The following KIAA0513 variants were observed in gnomAD, a reference collection of about 807,000 sequenced individuals.
KIAA0513 encodes the protein uncharacterized protein KIAA0513.
A neutral mutation model predicts 56.5 loss-of-function variants in KIAA0513; 39 were observed. The observed-to-expected ratio is 0.69, with a 90% CI of 0.53 to 0.90. KIAA0513 has a LOEUF of 0.90. KIAA0513 is among the 40% of genes least tolerant of loss of function. The probability of loss-of-function intolerance (pLI) is 0.00; values close to 1 mark genes in which losing one functional copy is unlikely to be tolerated. For missense variants in KIAA0513, 591 were observed against 535.2 expected (o/e 1.10, Z -1.03); for synonymous variants, 268 against 215.6 (o/e 1.24, Z -2.13).
At chr16:85,031,698 T>G (rs2072966964) in intron 1 of KIAA0513, among the ~76,000 whole-genome samples, 1 of 152,286 alleles carries the variant, frequency 6.6e-6, no homozygotes, top group African/African-American at 2.4e-5. Context: ...CCTGGGCTGT[T>G]CCTCCCCTTT....
At chr16:85,072,084 G>C (rs1385340441) in intron 3 of KIAA0513, among the ~76,000 whole-genome samples, 1 of 152,162 alleles carries the variant, frequency 6.6e-6, no homozygotes, top group Non-Finnish European at 1.5e-5. Context: ...TGGGCACAGT[G>C]GCTCATGCCT....
chr16:85,032,872 C>T (rs963955100), intron 1 of KIAA0513, among the ~76,000 whole-genome samples: 8 of 152,182 alleles, frequency 5.3e-5, no homozygotes, highest in Non-Finnish European at 7.4e-5. Context: ...CCTCATGATC[C>T]GCCTACCTGG....
At chr16:85,085,943 G>A (rs927458452) in intron 10 of KIAA0513, among the ~76,000 whole-genome samples, 9 of 152,180 alleles carry the variant, frequency 5.9e-5, no homozygotes, top group African/African-American at 1.7e-4. Flanking sequence ...ACAGGGTCAC[G>A]GTCAAAGAGA....
rs1034075921 is a variant in KIAA0513 at position 85,081,070 on chromosome 16, T to C, written c.903-245T>C. 1.3e-5 allele frequency among the ~76,000 whole-genome samples: 2 copies of C among 152,202 alleles called. No individual in the cohort carries two copies. Among genetic ancestry groups the C allele is most frequent in the Admixed American group, 6.5e-5 (1 of 15,286 alleles). ...GCCTGCAGCGCAGCCCGGGTTATCA[T>C]AGCTTTCCCTCCCACTTGCGCCATC... is the stretch of plus-strand genomic sequence containing the variant. On this transcript the variant is annotated intron_variant, in intron 8 of 12. Coordinates refer to ENST00000683363, the MANE Select transcript of KIAA0513 (RefSeq NM_001388359.1). The surrounding 1 kb of genome is among the most constrained non-coding windows in gnomAD (Gnocchi z 4.4).
In KIAA0513 at chr16:85,086,145, G is replaced by A. The variant is rs555563704; in HGVS notation, c.1011-499G>A. 1.4e-4 allele frequency among the ~76,000 whole-genome samples: 21 copies of A among 152,344 alleles called. 1 individual carries two copies. In the South Asian group the frequency reaches 4.3e-3, roughly 32 times the overall value. On this transcript the variant is annotated intron_variant, in intron 10 of 12. Transcript: ENST00000683363. Reference sequence around the variant, plus strand: ...TGCCATCCGCAGCTGGCCCCAGGACGACGCACCTCGCTTGGCCCATCAGGC... The same window carrying A: ...TGCCATCCGCAGCTGGCCCCAGGACAACGCACCTCGCTTGGCCCATCAGGC...
At chr16:85,061,730 A>G (rs2073407777) in intron 1 of KIAA0513, among the ~76,000 whole-genome samples, 2 of 152,182 alleles carry the variant, frequency 1.3e-5, no homozygotes, top group South Asian at 4.1e-4. Context: ...GCACAGCTCC[A>G]TGGGGAAGTG....
At chr16:85,064,504 ATC>A (rs2073451080) in intron 1 of KIAA0513, among the ~76,000 whole-genome samples, 1 of 152,206 alleles carries the variant, frequency 6.6e-6, no homozygotes, top group South Asian at 2.1e-4. Context: ...TTGAAGTATT[ATC>A]TCTCCCTATT....
intron 1 of KIAA0513, among the ~76,000 whole-genome samples, chr16:85,043,936 G>C (rs2073137384): frequency 6.6e-6 from 1 of 152,182 alleles, no homozygotes; most frequent in South Asian, 2.1e-4. Flanking sequence ...GGAAGCTAAG[G>C]CAGGAGAATC....
At chr16:85,037,961 AC>A (rs1416702969) in intron 1 of KIAA0513, among the ~76,000 whole-genome samples, 1 of 152,126 alleles carries the variant, frequency 6.6e-6, no homozygotes, top group Non-Finnish European at 1.5e-5. Flanking sequence ...TCCACTCTCC[AC>A]ACAGTGGCCA....
intron 1 of KIAA0513, among the ~76,000 whole-genome samples, chr16:85,035,303 T>C (rs1402645431): frequency 6.6e-6 from 1 of 152,190 alleles, no homozygotes; most frequent in African/African-American, 2.4e-5. Context: ...CCTAGCCCAG[T>C]GCTCAGCATG....
At chr16:85,034,673 A>G (rs992131170) in intron 1 of KIAA0513, among the ~76,000 whole-genome samples, 2 of 152,158 alleles carry the variant, frequency 1.3e-5, no homozygotes, top group Non-Finnish European at 2.9e-5. Flanking sequence ...ATTATGGCTC[A>G]TATTTATAGG....
chr16:85,079,339 C>T (rs2073707834), intron 8 of KIAA0513: 1 of 301,242 alleles, frequency 3.3e-6, no homozygotes, highest in Non-Finnish European at 6.2e-6. Flanking sequence ...AAACCTTGTA[C>T]ACAAATGTCT....
intron 1 of KIAA0513, among the ~76,000 whole-genome samples, chr16:85,065,698 T>G (rs1252031316): frequency 6.6e-6 from 1 of 152,128 alleles, no homozygotes; most frequent in Non-Finnish European, 1.5e-5. Flanking sequence ...TTGTCCTAGA[T>G]ATTTGGGGTC....
rs1381700933 is a variant in KIAA0513, at chr16:85,091,650, G to A, written c.*3325G>A. The stretch of plus-strand genomic sequence containing the variant: ...GTCTCGTCTTCTTTCCTTCCTGTGA[G>A]TTGAAACCAAACAGGCCTCTCGCTC... On this transcript the variant is annotated 3_prime_UTR_variant, in exon 13 of 13. Transcript: ENST00000683363. 6.6e-6 allele frequency: 1 copy of A among 152,204 alleles called. No individual in the cohort carries two copies. Among genetic ancestry groups the A allele is most frequent in the African/African-American group, 2.4e-5 (1 of 41,462 alleles). 9.4% of individuals were successfully genotyped at this position (152,204 alleles called of 1,614,324 possible). A position where few individuals can be genotyped will look rare whatever the true frequency, so the allele number is the denominator to read the frequency against.
At chr16:85,036,628 C>T (rs2073040020) in intron 1 of KIAA0513, among the ~76,000 whole-genome samples, 1 of 152,136 alleles carries the variant, frequency 6.6e-6, no homozygotes, top group East Asian at 1.9e-4. Flanking sequence ...GACGAGCAGG[C>T]AGTAGCCCTA....
intron 1 of KIAA0513, among the ~76,000 whole-genome samples, chr16:85,049,284 A>G (rs35237475): frequency 0.4 from 61,020 of 152,076 alleles, 13,672 homozygotes; most frequent in African/African-American, 0.61. Context: ...CCTCCCATAG[A>G]GGCATGGATG....
At chr16:85,040,644 G>A (rs1400773259) in intron 1 of KIAA0513, among the ~76,000 whole-genome samples, 1 of 152,158 alleles carries the variant, frequency 6.6e-6, no homozygotes, top group South Asian at 2.1e-4. Context: ...GAGGTTCCAC[G>A]CAGGCCCCAT....
chr16:85,059,782 G>C (rs72803601), intron 1 of KIAA0513, among the ~76,000 whole-genome samples: 3 of 152,168 alleles, frequency 2.0e-5, no homozygotes, highest in Non-Finnish European at 4.4e-5. Context: ...TTCGCCCTTC[G>C]AGCTGGGAGG....
intron 1 of KIAA0513, among the ~76,000 whole-genome samples, chr16:85,038,707 C>CAAAAA (rs769470751): frequency 1.3e-3 from 91 of 71,020 alleles, no homozygotes; most frequent in Non-Finnish European, 1.9e-3. Flanking sequence ...GACTCAGCCT[C>CAAAAA]AAAAAAAAAA....
Sources: allele counts gnomAD v4.1 joint callset (sites outside exome capture counted in the v4.1 genomes callset), GRCh38; gene constraint gnomAD v4.1.1; non-coding constraint Gnocchi (gnomAD v3.1); transcripts MANE v1.5; gene names NCBI Gene and HGNC (gene_info 2026-07-23, HGNC 2026-07-21).